Variants in CNGB3 observed in about 807,000 individuals in gnomAD.
CNGB3 encodes cyclic nucleotide-gated channel beta-3.
In CNGB3, 86 loss-of-function variants were observed where a neutral mutation model predicts 92.8. The observed-to-expected ratio is 0.93, with a 90% CI of 0.78 to 1.11. The LOEUF (loss-of-function observed/expected upper bound fraction) is 1.11, where lower values mean the gene tolerates loss of function less well. CNGB3 is among the 50% of genes least tolerant of loss of function. The probability of loss-of-function intolerance (pLI) is 0.00; values close to 1 mark genes in which losing one functional copy is unlikely to be tolerated. For synonymous variants in CNGB3, 333 were observed against 332.7 expected (o/e 1.00, Z -0.01); for missense variants, 1,026 against 956.8 (o/e 1.07, Z -0.95).
intron 11 of CNGB3, among the ~76,000 whole-genome samples, chr8:86,630,712 A>T (rs960288405): frequency 6.6e-6 from 1 of 152,100 alleles, no homozygotes; most frequent in African/African-American, 2.4e-5. Context: ...CAAAAAATAA[A>T]TGAAGAAAAG....
intron 3 of CNGB3, among the ~76,000 whole-genome samples, chr8:86,683,879 T>C (rs1461353419): frequency 6.6e-6 from 1 of 152,168 alleles, no homozygotes; most frequent in Non-Finnish European, 1.5e-5. Context: ...CATAAAACTA[T>C]ATGTTTTAGA....
rs373023860 is a variant in CNGB3 at position 86,627,115 on chromosome 8, T to G, written c.1481-1035A>C. ...TCTGAGAGTTGATTTTTTTTTAATGTTTTCTTATATTATTTAGAAAAGAGA... is the reference window on the plus strand; with the variant it reads ...TCTGAGAGTTGATTTTTTTTTAATGGTTTCTTATATTATTTAGAAAAGAGA... On this transcript the variant is annotated intron_variant, in intron 12 of 17. Coordinates refer to ENST00000320005, the MANE Select transcript of CNGB3 (RefSeq NM_019098.5). Among the ~76,000 whole-genome samples, 9 of 152,208 alleles carry G rather than the reference T, an allele frequency of 5.9e-5. 1 individual carries two copies. The highest frequency in any genetic ancestry group is 1.7e-4 in the African/African-American group (7 of 41,522).
chr8:86,739,613 CTT>C, intron 2 of CNGB3, 40 bp downstream of exon 2: 1 of 1,573,832 alleles, frequency 6.4e-7, no homozygotes, highest in South Asian at 1.1e-5. Flanking sequence ...ATGTATTTCA[CTT>C]TTTAGTTTTT....
chr8:86,724,403 C>T (rs889486578), intron 3 of CNGB3, among the ~76,000 whole-genome samples: 1 of 152,120 alleles, frequency 6.6e-6, no homozygotes, highest in Non-Finnish European at 1.5e-5. Flanking sequence ...GTCTTGCTCT[C>T]CTCCTGGAGA....
intron 2 of CNGB3, among the ~76,000 whole-genome samples, chr8:86,727,057 T>C (rs1437805990): frequency 1.3e-5 from 2 of 152,186 alleles, no homozygotes; most frequent in African/African-American, 4.8e-5. Flanking sequence ...TAATAAATAC[T>C]GTAAGCCATT....
intron 15 of CNGB3, among the ~76,000 whole-genome samples, chr8:86,587,251 G>A (rs1821917602): frequency 6.6e-6 from 1 of 151,828 alleles, no homozygotes; most frequent in Non-Finnish European, 1.5e-5. Context: ...TTTGTCAGAT[G>A]AGTAGGTTGC....
intron 3 of CNGB3, among the ~76,000 whole-genome samples, chr8:86,689,035 T>A (rs1824246363): frequency 2.0e-5 from 3 of 149,496 alleles, no homozygotes; most frequent in Admixed American, 2.0e-4. Context: ...TTTTTTTTTA[T>A]TAACCCATGG....
intron 2 of CNGB3, among the ~76,000 whole-genome samples, chr8:86,728,389 TA>T (rs1416132689): frequency 1.9e-5 from 2 of 106,576 alleles, no homozygotes; most frequent in Non-Finnish European, 3.6e-5. Flanking sequence ...CATTTTGTAC[TA>T]ACAAGCTTTT....
intron 13 of CNGB3, among the ~76,000 whole-genome samples, chr8:86,618,288 T>C (rs1296532130): frequency 6.6e-6 from 1 of 152,312 alleles, no homozygotes; most frequent in East Asian, 1.9e-4. Context: ...CACTGATCTG[T>C]GGCCCTGGGG....
chr8:86,638,419 T>C (rs1429243967), intron 10 of CNGB3, among the ~76,000 whole-genome samples: 1 of 152,138 alleles, frequency 6.6e-6, no homozygotes, highest in African/African-American at 2.4e-5. Context: ...TTGTCAGTCT[T>C]TTAAATTTCA....
chr8:86,728,510 CA>C (rs1235087875), intron 2 of CNGB3, among the ~76,000 whole-genome samples: 2 of 152,202 alleles, frequency 1.3e-5, no homozygotes, highest in Non-Finnish European at 2.9e-5. Context: ...AGATCTCTGA[CA>C]AATTTCCATT....
chr8:86,589,891 C>G (rs1376459728), intron 15 of CNGB3, among the ~76,000 whole-genome samples: 1 of 151,802 alleles, frequency 6.6e-6, no homozygotes, highest in Non-Finnish European at 1.5e-5. Context: ...TCCTGGGTAT[C>G]CCTGTTGACT....
chr8:86,584,348 G>T (rs1246122560), intron 15 of CNGB3, among the ~76,000 whole-genome samples: 2 of 152,164 alleles, frequency 1.3e-5, no homozygotes, highest in Non-Finnish European at 2.9e-5. Flanking sequence ...GATTGGGGAG[G>T]TTAATTTGAA....
chr8:86,621,950 G>T (rs1822740600), intron 13 of CNGB3, among the ~76,000 whole-genome samples: 1 of 152,138 alleles, frequency 6.6e-6, no homozygotes, highest in South Asian at 2.1e-4. Context: ...GGAGGCTGAG[G>T]CAGGAGAATC....
chr8:86,590,852 T>C (rs372678792), intron 15 of CNGB3, among the ~76,000 whole-genome samples: 7 of 151,054 alleles, frequency 4.6e-5, no homozygotes, highest in Admixed American at 6.6e-5. Flanking sequence ...ATCTTTGTGG[T>C]GTTCTCTGTA....
chr8:86,649,343 A>C (rs1823353715), intron 7 of CNGB3, among the ~76,000 whole-genome samples: 1 of 151,718 alleles, frequency 6.6e-6, no homozygotes, highest in Non-Finnish European at 1.5e-5. Context: ...GGAACTGAAA[A>C]AGAGCCCTCA....
chr8:86,672,151 T>G (rs1823872998), intron 3 of CNGB3, among the ~76,000 whole-genome samples: 1 of 152,118 alleles, frequency 6.6e-6, no homozygotes. Flanking sequence ...CAGGCTGGAG[T>G]GCAGTGGTGT....
intron 3 of CNGB3, chr8:86,707,638 A>G (rs1824674558): frequency 6.6e-6 from 1 of 152,316 alleles, no homozygotes; most frequent in Admixed American, 6.5e-5. Context: ...TCGGCATGAG[A>G]TGGGAAACCA....
intron 3 of CNGB3, among the ~76,000 whole-genome samples, chr8:86,706,231 G>T (rs1239707103): frequency 6.6e-6 from 1 of 151,758 alleles, no homozygotes; most frequent in African/African-American, 2.4e-5. Flanking sequence ...AGTAAAGATT[G>T]CTGTACCTAA....
Sources: allele counts gnomAD v4.1 joint callset (sites outside exome capture counted in the v4.1 genomes callset), GRCh38; gene constraint gnomAD v4.1.1; transcripts MANE v1.5; gene names NCBI Gene and HGNC (gene_info 2026-07-23, HGNC 2026-07-21).